Variants in SEC24D observed in about 807,000 individuals in gnomAD.
SEC24D encodes the protein SEC24 homolog D, COPII component.
Under a neutral mutation model 116.9 loss-of-function variants are expected in SEC24D, and 69 were observed. That is an observed-to-expected ratio of 0.59 (90% CI 0.49 to 0.72). SEC24D has a LOEUF of 0.72. Among genes scored for constraint, SEC24D ranks in the 30% least tolerant of loss-of-function variants. The pLI, the probability that SEC24D is intolerant of heterozygous loss-of-function variation, is 0.00. For synonymous variants in SEC24D, 405 were observed against 442.8 expected, an observed-to-expected ratio of 0.91 and a Z score of 1.07; for missense variants, 1,131 against 1,264.1, an observed-to-expected ratio of 0.89 and a Z score of 1.60.
At chr4:118,829,919 G>A (rs374263206) in intron 2 of SEC24D, among the ~76,000 whole-genome samples, 1 of 152,094 alleles carries the variant, frequency 6.6e-6, no homozygotes, top group East Asian at 1.9e-4. Flanking sequence ...AGTTAGCACT[G>A]GCCAGATCTA....
intron 11 of SEC24D, 133 bp downstream of exon 11, chr4:118,757,588 T>C: frequency 2.9e-6 from 2 of 692,374 alleles, no homozygotes; most frequent in Non-Finnish European, 4.8e-6. Flanking sequence ...AATGATGCTG[T>C]TTGATTTATG....
intron 22 of SEC24D, among the ~76,000 whole-genome samples, chr4:118,724,616 T>C (rs1725316302): frequency 6.6e-6 from 1 of 152,182 alleles, no homozygotes. Flanking sequence ...GAATTGCATA[T>C]TCATTTGCAT....
intron 8 of SEC24D, among the ~76,000 whole-genome samples, chr4:118,778,466 A>G (rs992652006): frequency 3.9e-5 from 6 of 152,096 alleles, no homozygotes; most frequent in Non-Finnish European, 8.8e-5. Context: ...ACTGGTCTAT[A>G]TCTCTGTTTT....
rs554834214 is a variant in SEC24D at position 118,762,579 on chromosome 4, T to C, written c.1296+2223A>G. 7.2e-5 allele frequency among the ~76,000 whole-genome samples: 11 copies of C among 152,326 alleles called. No individual in the cohort carries two copies. The South Asian group carries it at 1.2e-3, about 17-fold the overall frequency. ...GGAAAATGTGATTTTGTAATTCCTC[T>C]TTCCAAGTGCATGGTGTAAAAAATA... On this transcript the variant is annotated intron_variant, in intron 10 of 22. Transcript: ENST00000280551.
chr4:118,826,332 A>C (rs953812614), intron 2 of SEC24D, among the ~76,000 whole-genome samples: 3 of 152,178 alleles, frequency 2.0e-5, no homozygotes. Context: ...TCATGGCAAT[A>C]ATATTCCCTA....
chr4:118,816,339 T>C (rs1280440642), intron 4 of SEC24D, among the ~76,000 whole-genome samples: 2 of 152,198 alleles, frequency 1.3e-5, no homozygotes, highest in Non-Finnish European at 2.9e-5. Flanking sequence ...AATTAAAGCA[T>C]CTGTATCTGG....
At chr4:118,792,303 T>C (rs1252237947) in intron 8 of SEC24D, among the ~76,000 whole-genome samples, 1 of 142,086 alleles carries the variant, frequency 7.0e-6, no homozygotes, top group African/African-American at 2.7e-5. Flanking sequence ...AGCTGCCCCG[T>C]CCGGGAGGTG....
At chr4:118,829,311 G>A (rs537945605) in intron 2 of SEC24D, among the ~76,000 whole-genome samples, 10 of 152,184 alleles carry the variant, frequency 6.6e-5, no homozygotes, top group South Asian at 4.2e-4. Context: ...CCAGGAGATC[G>A]AGACAGAACT....
chr4:118,824,736 T>C lies in SEC24D; in HGVS notation c.132A>G (p.Pro44=), dbSNP rs138977853. The C allele has an allele frequency of 1.3e-6, 2 of 1,597,726 alleles. No individual in the cohort carries two copies. Among genetic ancestry groups the C allele is most frequent in the Non-Finnish European group, 1.7e-6 (2 of 1,174,428 alleles). The stretch of plus-strand genomic sequence containing the variant: ...TGGCGGTGGCCCCCAAAGGCCCTGC[T>C]GGCTTCATCATACCTGCAAGAGAGG... ...HTASPTGMMK[P]AGPLGATATR... Residue 44 remains proline (P), a synonymous_variant, in exon 3 of 23, where the codon CCA becomes CCG. Transcript: ENST00000280551.
At chr4:118,752,153 T>C in intron 12 of SEC24D, 64 bp from the exon 13 acceptor site, 2 of 1,045,568 alleles carry the variant, frequency 1.9e-6, no homozygotes, top group Non-Finnish European at 2.9e-6. Context: ...CTTCAAGCAA[T>C]AAATCACTAA....
At position 118,751,980 on chromosome 4, in the gene SEC24D, A is replaced by G. The variant is rs1726861395; in HGVS notation, c.1707+16T>C. The G allele has an allele frequency of 2.6e-6, 4 of 1,516,722 alleles. No homozygotes were observed. The highest frequency in any genetic ancestry group is 3.6e-6 in the Non-Finnish European group (4 of 1,097,204). The allele number at this position is 1,516,722 out of a possible 1,614,324, so 94.0% of individuals were successfully genotyped here. On this transcript the variant is annotated intron_variant, in intron 13 of 22. Transcript: ENST00000280551. ...TAAAATTTATTTACTAGCAATTAGA[A>G]GTGGCTTCTTCTCACCTTTAGTGCT... is the stretch of plus-strand genomic sequence containing the variant.
chr4:118,745,636 G>C (rs1453693676), intron 13 of SEC24D, among the ~76,000 whole-genome samples: 1 of 152,114 alleles, frequency 6.6e-6, no homozygotes. Context: ...TGTAGTCTCT[G>C]GGAAGCAACA....
Position 118,732,822 on chromosome 4 carries a change from T to C in SEC24D, c.2587A>G (p.Thr863Ala). ...CVLLSRPEIS[T>A]DERAYQRQLV... The stretch of plus-strand genomic sequence containing the variant: ...TGTCTCTGGTATGCTCGTTCATCAG[T>C]TGAGATCTCTGGTCTGCTGAGTAGT... The change falls in exon 20 of 23, where the codon ACT (threonine) becomes GCT (alanine). Residue 863 changes from threonine (T) to alanine (A), a missense_variant. Physicochemically the swap from Thr to Ala is moderately conservative, Grantham distance 58 (BLOSUM62 0). Coordinates refer to ENST00000280551, the MANE Select transcript of SEC24D (RefSeq NM_014822.4). The C allele has an allele frequency of 1.2e-6, 2 of 1,614,110 alleles. No individual in the cohort carries two copies. Among genetic ancestry groups the C allele is most frequent in the Admixed American group, 1.7e-5 (1 of 60,018 alleles).
Position 118,781,761 on chromosome 4 carries a change from A to G in SEC24D, c.1042-13450T>C, listed in dbSNP as rs1042505458. ...AGATTTGGTCTTTTCACATAGTCCC[A>G]TATTTCTTGGAGGCTTTGTTCATTT... On this transcript the variant is annotated intron_variant, in intron 8 of 22. Transcript: ENST00000280551. 4.6e-5 allele frequency among the ~76,000 whole-genome samples: 7 copies of G among 152,138 alleles called. 1 individual carries two copies. The highest frequency in any genetic ancestry group is 1.0e-4 in the Non-Finnish European group (7 of 68,024).
intron 8 of SEC24D, among the ~76,000 whole-genome samples, chr4:118,779,606 T>C (rs546240766): frequency 7.9e-5 from 12 of 152,372 alleles, no homozygotes; most frequent in African/African-American, 2.9e-4. Context: ...ATCAGGATCA[T>C]GCTGGCCTCA....
intron 8 of SEC24D, 100 bp downstream of exon 8, chr4:118,797,583 T>C: frequency 1.1e-6 from 1 of 877,338 alleles, no homozygotes; most frequent in Non-Finnish European, 1.6e-6. Context: ...TATATTCCAG[T>C]TTCCTGTTTA....
At chr4:118,748,912 C>G (rs1726681691) in intron 13 of SEC24D, among the ~76,000 whole-genome samples, 1 of 152,200 alleles carries the variant, frequency 6.6e-6, no homozygotes, top group East Asian at 1.9e-4. Flanking sequence ...CATTCCCCTG[C>G]AATCACACTT....
At chr4:118,819,380 A>C (rs1361246801) in intron 3 of SEC24D, among the ~76,000 whole-genome samples, 2 of 151,340 alleles carry the variant, frequency 1.3e-5, no homozygotes, top group Non-Finnish European at 2.9e-5. Flanking sequence ...AAATACAAAA[A>C]ATTAGCCGGG....
chr4:118,740,288 A>C (rs1445396399), intron 17 of SEC24D, among the ~76,000 whole-genome samples: 1 of 152,146 alleles, frequency 6.6e-6, no homozygotes, highest in Non-Finnish European at 1.5e-5. Flanking sequence ...CTGTTGTTTA[A>C]GCTGCTTATT....
Sources: gnomAD v4.1 joint callset for allele counts (sites outside exome capture counted in the v4.1 genomes callset) on GRCh38, gnomAD v4.1.1 for gene constraint, MANE v1.5 for transcripts, NCBI Gene and HGNC (gene_info 2026-07-23, HGNC 2026-07-21) for gene names.